The following PLOD2 variants were observed in gnomAD, a reference collection of about 807,000 sequenced individuals.
The protein encoded by PLOD2 is procollagen-lysine,2-oxoglutarate 5-dioxygenase 2.
A neutral mutation model predicts 101.0 loss-of-function variants in PLOD2; 65 were observed. The observed-to-expected ratio is 0.64, with a 90% CI of 0.53 to 0.79. The LOEUF (loss-of-function observed/expected upper bound fraction) is 0.79, where lower values mean the gene tolerates loss of function less well. Ranked by LOEUF, PLOD2 falls within the 30% of genes least tolerant of loss-of-function variation. The probability of loss-of-function intolerance (pLI) is 0.00; values close to 1 mark genes in which losing one functional copy is unlikely to be tolerated. For missense variants in PLOD2, 909 were observed against 914.6 expected (o/e 0.99, Z 0.08); for synonymous variants, 314 against 302.9 (o/e 1.04, Z -0.38).
intron 1 of PLOD2, among the ~76,000 whole-genome samples, chr3:146,149,234 T>C (rs1405280281): frequency 6.6e-6 from 1 of 152,200 alleles, no homozygotes; most frequent in Non-Finnish European, 1.5e-5. Flanking sequence ...AGGACTCTTT[T>C]TCGAAAGAAG....
intron 1 of PLOD2, among the ~76,000 whole-genome samples, chr3:146,134,346 A>G (rs1043187421): frequency 3.3e-5 from 5 of 152,184 alleles, no homozygotes; most frequent in Non-Finnish European, 5.9e-5. Context: ...TGGAAAACAC[A>G]TTTGATCCCT....
rs891063157 is a variant in PLOD2, at chr3:146,070,171, G to A, written c.*546C>T. The A allele has an allele frequency of 6.6e-6, 1 of 151,920 alleles. No individual in the cohort carries two copies. The highest frequency in any genetic ancestry group is 1.5e-5 in the Non-Finnish European group (1 of 67,956). 9.4% of individuals were successfully genotyped at this position (151,920 alleles called of 1,614,324 possible). A position where few individuals can be genotyped will look rare whatever the true frequency, so the allele number is the denominator to read the frequency against. On this transcript the variant is annotated 3_prime_UTR_variant, in exon 20 of 20. Coordinates refer to ENST00000282903, the MANE Select transcript of PLOD2 (RefSeq NM_182943.3). ...TTTGTACCATTTTCTTGAGGAAAAC[G>A]TTGTGTAATTCTTTGTGTGTTCCCT...
At chr3:146,125,564 T>C (rs2030507835) in intron 1 of PLOD2, among the ~76,000 whole-genome samples, 1 of 151,984 alleles carries the variant, frequency 6.6e-6, no homozygotes, top group African/African-American at 2.4e-5. Flanking sequence ...CTGGTCAACA[T>C]GGTGAAACCT....
At chr3:146,122,650 C>A (rs2108094469) in intron 2 of PLOD2, among the ~76,000 whole-genome samples, 1 of 152,206 alleles carries the variant, frequency 6.6e-6, no homozygotes, top group South Asian at 2.1e-4. Context: ...TTGGGAACCA[C>A]TGCATTACAT....
At chr3:146,097,667 G>A (rs2108044356) in intron 7 of PLOD2, among the ~76,000 whole-genome samples, 1 of 122,862 alleles carries the variant, frequency 8.1e-6, no homozygotes, top group South Asian at 3.0e-4. Flanking sequence ...ACTGCGGAAG[G>A]CCGCAGGGTC....
In PLOD2 at chr3:146,070,546, A is replaced by C. The variant is rs13079521; in HGVS notation, c.*171T>G. On this transcript the variant is annotated 3_prime_UTR_variant, in exon 20 of 20. Coordinates refer to ENST00000282903, the MANE Select transcript of PLOD2 (RefSeq NM_182943.3). ...TTTAAGGCTCAGAGCAGACATTAAGAAATATCAAACAATTTTTTATAAAAA... is the reference window on the plus strand; with the variant it reads ...TTTAAGGCTCAGAGCAGACATTAAGCAATATCAAACAATTTTTTATAAAAA... The C allele has an allele frequency of 0.032, 17,644 of 542,934 alleles. 410 individuals are homozygous for C. Among genetic ancestry groups the C allele is most frequent in the South Asian group, 0.04 (1,376 of 34,340 alleles). 33.6% of individuals were successfully genotyped at this position (542,934 alleles called of 1,614,324 possible). A position where few individuals can be genotyped will look rare whatever the true frequency, so the allele number is the denominator to read the frequency against.
In PLOD2 at chr3:146,089,207, T is replaced by C. The variant is rs146177799; in HGVS notation, c.880-496A>G. ...TTTATTTCCTTTCATTATTATATTATGTATAAGGAGAGCTATTTTCTTTCA... is the reference window on the plus strand; with the variant it reads ...TTTATTTCCTTTCATTATTATATTACGTATAAGGAGAGCTATTTTCTTTCA... On this transcript the variant is annotated intron_variant, in intron 8 of 19. Coordinates refer to ENST00000282903, the MANE Select transcript of PLOD2 (RefSeq NM_182943.3). Among the ~76,000 whole-genome samples the C allele has an allele frequency of 8.2e-3, 1,246 of 151,696 alleles. 14 individuals carry two copies. Among genetic ancestry groups the C allele is most frequent in the African/African-American group, 0.028 (1,176 of 41,512 alleles).
At chr3:146,081,684 C>T (rs1442019731) in intron 12 of PLOD2, 54 bp downstream of exon 12, 20 of 1,473,676 alleles carry the variant, frequency 1.4e-5, no homozygotes, top group Non-Finnish European at 1.9e-5. Context: ...ACTAACAAGA[C>T]TACATCTTTA....
chr3:146,105,136 C>A (rs1448668457), intron 5 of PLOD2: 1 of 152,162 alleles, frequency 6.6e-6, no homozygotes, highest in Non-Finnish European at 1.5e-5. Flanking sequence ...GCCTTGTGCT[C>A]CCTACTTCTT....
At chr3:146,146,393 C>G (rs1162840431) in intron 1 of PLOD2, among the ~76,000 whole-genome samples, 1 of 152,086 alleles carries the variant, frequency 6.6e-6, no homozygotes, top group Non-Finnish European at 1.5e-5. Flanking sequence ...ACAGATGGTC[C>G]TATCCCTATC....
chr3:146,123,527 A>AAAC (rs879437458), intron 2 of PLOD2, among the ~76,000 whole-genome samples: 92 of 134,858 alleles, frequency 6.8e-4, no homozygotes, highest in Middle Eastern at 3.7e-3. Flanking sequence ...AACAAACAAA[A>AAAC]AAAGCAAAAA....
chr3:146,127,060 G>A (rs534372422), intron 1 of PLOD2, among the ~76,000 whole-genome samples: 4 of 152,070 alleles, frequency 2.6e-5, no homozygotes, highest in Admixed American at 6.5e-5. Context: ...CAAGTCCCTC[G>A]TTCAGTTACT....
intron 1 of PLOD2, among the ~76,000 whole-genome samples, chr3:146,153,430 G>A (rs1032824246): frequency 2.6e-5 from 4 of 152,088 alleles, no homozygotes; most frequent in Non-Finnish European, 5.9e-5. Flanking sequence ...CCCCTTCTTA[G>A]CCCTGTGTGC....
intron 3 of PLOD2, 65 bp from the exon 4 acceptor site, chr3:146,110,513 A>G: frequency 7.5e-7 from 1 of 1,326,678 alleles, no homozygotes. Flanking sequence ...ATAAACCATG[A>G]AAAGTTCTCT....
intron 7 of PLOD2, among the ~76,000 whole-genome samples, chr3:146,098,145 C>G (rs766853701): frequency 6.6e-6 from 1 of 152,154 alleles, no homozygotes; most frequent in Non-Finnish European, 1.5e-5. Context: ...GTGCAGCAAA[C>G]CACCACAGCA....
chr3:146,143,914 C>T (rs1166321147), intron 1 of PLOD2, among the ~76,000 whole-genome samples: 2 of 152,036 alleles, frequency 1.3e-5, no homozygotes, highest in Non-Finnish European at 2.9e-5. Context: ...TCAATCTGAT[C>T]TCTTCCATCA....
Position 146,079,264 on chromosome 3 carries a change from G to A in PLOD2, c.1359-7C>T. On this transcript the variant is annotated splice_polypyrimidine_tract_variant and splice_region_variant and intron_variant, in intron 12 of 19. Transcript: ENST00000282903. ...TGGGACATTCCATACTCCTCTGAAA[G>A]TAAAGAGAAGACATTCTTATATACC... 6.3e-7 allele frequency: 1 copy of A among 1,597,758 alleles called. No individual in the cohort carries two copies. The highest frequency in any genetic ancestry group is 8.6e-7 in the Non-Finnish European group (1 of 1,166,066).
At chr3:146,115,812 A>G (rs578257315) in intron 3 of PLOD2, among the ~76,000 whole-genome samples, 1 of 152,310 alleles carries the variant, frequency 6.6e-6, no homozygotes, top group African/African-American at 2.4e-5. Flanking sequence ...CCTGATGACC[A>G]TATTGTCTGT....
chr3:146,149,203 C>G (rs2031937800), intron 1 of PLOD2, among the ~76,000 whole-genome samples: 1 of 152,210 alleles, frequency 6.6e-6, no homozygotes, highest in Non-Finnish European at 1.5e-5. Context: ...CTCTCACTCC[C>G]ATCACCTCTT....
Sources: allele counts gnomAD v4.1 joint callset (sites outside exome capture counted in the v4.1 genomes callset), GRCh38; gene constraint gnomAD v4.1.1; transcripts MANE v1.5; gene names NCBI Gene and HGNC (gene_info 2026-07-23, HGNC 2026-07-21).